Variants in CCDC85A observed in about 807,000 individuals in gnomAD.
CCDC85A encodes coiled-coil domain containing 85A.
In CCDC85A, 38 loss-of-function variants were observed where a neutral mutation model predicts 50.2. The ratio of observed to expected loss-of-function variants is 0.76; its 90% CI spans 0.58 to 0.99. The LOEUF (loss-of-function observed/expected upper bound fraction) is 0.99. Among genes scored for constraint, CCDC85A ranks in the 50% least tolerant of loss-of-function variants. The pLI, the probability that CCDC85A is intolerant of heterozygous loss-of-function variation, is 0.00. For synonymous variants in CCDC85A, 366 were observed against 301.4 expected (o/e 1.21, Z -2.22); for missense variants, 820 against 742.0 (o/e 1.11, Z -1.22).
chr2:56,235,740 A>T (rs777161182), intron 2 of CCDC85A, among the ~76,000 whole-genome samples: 1 of 152,212 alleles, frequency 6.6e-6, no homozygotes, highest in Non-Finnish European at 1.5e-5. Context: ...GATCTTAAAT[A>T]ATTAAGAGAG....
intron 2 of CCDC85A, among the ~76,000 whole-genome samples, chr2:56,272,656 C>G (rs1002788277): frequency 4.6e-5 from 7 of 152,162 alleles, no homozygotes; most frequent in Non-Finnish European, 7.3e-5. Context: ...TAAATCTACA[C>G]AGAAGGTTCA....
chr2:56,257,978 T>C (rs1558609845), intron 2 of CCDC85A, among the ~76,000 whole-genome samples: 1 of 152,240 alleles, frequency 6.6e-6, no homozygotes, highest in African/African-American at 2.4e-5. Flanking sequence ...GGCTGTTCTT[T>C]AATCAGCTAT....
intron 3 of CCDC85A, among the ~76,000 whole-genome samples, chr2:56,368,482 C>T (rs1558662287): frequency 6.6e-6 from 1 of 152,150 alleles, no homozygotes; most frequent in Non-Finnish European, 1.5e-5. Context: ...CTGCCTTGCC[C>T]TGTAATAAGG....
intron 2 of CCDC85A, among the ~76,000 whole-genome samples, chr2:56,225,256 C>G (rs1257881036): frequency 6.6e-6 from 1 of 152,040 alleles, no homozygotes; most frequent in Non-Finnish European, 1.5e-5. Context: ...AACCCCATCT[C>G]TACTAAAATT....
intron 2 of CCDC85A, among the ~76,000 whole-genome samples, chr2:56,243,081 G>T (rs1669339172): frequency 6.6e-6 from 1 of 151,466 alleles, no homozygotes; most frequent in Non-Finnish European, 1.5e-5. Context: ...GTGATCTTTG[G>T]GTATTTAGTT....
intron 2 of CCDC85A, among the ~76,000 whole-genome samples, chr2:56,278,417 C>G (rs1242087581): frequency 1.3e-5 from 2 of 152,072 alleles, no homozygotes; most frequent in Non-Finnish European, 2.9e-5. Flanking sequence ...CCAGAGCTTT[C>G]TGGTCACTTT....
At chr2:56,264,913 C>G (rs768179220) in intron 2 of CCDC85A, among the ~76,000 whole-genome samples, 28 of 152,292 alleles carry the variant, frequency 1.8e-4, no homozygotes, top group South Asian at 1.0e-3. Context: ...CAGGTACTTG[C>G]ATGATTCAGG....
intron 2 of CCDC85A, among the ~76,000 whole-genome samples, chr2:56,300,939 C>T (rs950265558): frequency 6.6e-6 from 1 of 152,110 alleles, no homozygotes; most frequent in Non-Finnish European, 1.5e-5. Context: ...ACACAAACTC[C>T]GAAGTTTAGT....
chr2:56,331,810 T>C (rs1673812990), intron 2 of CCDC85A, among the ~76,000 whole-genome samples: 1 of 152,226 alleles, frequency 6.6e-6, no homozygotes, highest in Admixed American at 6.5e-5. Context: ...GGAAAATGAT[T>C]CAGTATTTTC....
chr2:56,211,978 T>C (rs1677199305), intron 2 of CCDC85A, among the ~76,000 whole-genome samples: 1 of 152,030 alleles, frequency 6.6e-6, no homozygotes, highest in African/African-American at 2.4e-5. Flanking sequence ...TGCATAAAAC[T>C]CATTGTCTTT....
At chr2:56,262,972 A>G (rs540232010) in intron 2 of CCDC85A, among the ~76,000 whole-genome samples, 2 of 150,688 alleles carry the variant, frequency 1.3e-5, no homozygotes, top group East Asian at 3.9e-4. Context: ...CACAGAGAAC[A>G]TTTTTTTTTT....
rs568182549 is a variant in CCDC85A at position 56,363,388 on chromosome 2, A to G, written c.1318-8956A>G. ...AGCATAAGATCATTGCTAACGCTCC[A>G]TGATAGATCTTTCAGCAGGTGGCAT... On this transcript the variant is annotated intron_variant, in intron 3 of 5. Coordinates refer to ENST00000407595, the MANE Select transcript of CCDC85A (RefSeq NM_001080433.2). Among the ~76,000 whole-genome samples the G allele has an allele frequency of 3.3e-5, 5 of 152,336 alleles. No individual in the cohort carries two copies. The East Asian group carries it at 5.8e-4, about 18-fold the overall frequency.
At position 56,380,783 on chromosome 2, in the gene CCDC85A, T is replaced by C. The variant is rs147139257; in HGVS notation, c.1573-3483T>C. 3.9e-3 allele frequency among the ~76,000 whole-genome samples: 601 copies of C among 152,246 alleles called. 3 individuals carry two copies. The highest frequency in any genetic ancestry group is 5.3e-3 in the Non-Finnish European group (360 of 68,004). On this transcript the variant is annotated intron_variant, in intron 5 of 5. Transcript: ENST00000407595. ...TGTATCATTTAGTCAATAATATAAATTGTGAGGCTTTAAATAGCTAAATGG... is the reference window on the plus strand; with the variant it reads ...TGTATCATTTAGTCAATAATATAAACTGTGAGGCTTTAAATAGCTAAATGG...
Position 56,252,023 on chromosome 2 carries a change from C to T in CCDC85A, c.1240+58583C>T, listed in dbSNP as rs1252986668. On this transcript the variant is annotated intron_variant, in intron 2 of 5. Coordinates refer to ENST00000407595, the MANE Select transcript of CCDC85A (RefSeq NM_001080433.2). ...TATGTCTCTGTGGGCTTCATCCCCT[C>T]ATAGTTTCCCTGGCTGTATCATCAA... 3.3e-5 allele frequency among the ~76,000 whole-genome samples: 5 copies of T among 151,378 alleles called. 1 individual carries two copies. The highest frequency in any genetic ancestry group is 3.3e-4 in the Admixed American group (5 of 15,180).
intron 2 of CCDC85A, among the ~76,000 whole-genome samples, chr2:56,195,037 C>G (rs1676471106): frequency 6.6e-6 from 1 of 152,162 alleles, no homozygotes; most frequent in African/African-American, 2.4e-5. Flanking sequence ...AATGATTTTT[C>G]CATTTCTTGA....
chr2:56,249,467 C>T (rs1669655185), intron 2 of CCDC85A, among the ~76,000 whole-genome samples: 1 of 152,222 alleles, frequency 6.6e-6, no homozygotes, highest in African/African-American at 2.4e-5. Flanking sequence ...CACATGAAAA[C>T]AATCCCATAC....
At chr2:56,278,772 C>T (rs907164215) in intron 2 of CCDC85A, among the ~76,000 whole-genome samples, 2 of 152,116 alleles carry the variant, frequency 1.3e-5, no homozygotes, top group African/African-American at 2.4e-5. Context: ...CAGGTTTCAC[C>T]ATGTTGGCCA....
intron 1 of CCDC85A, among the ~76,000 whole-genome samples, chr2:56,189,377 C>G (rs1478345594): frequency 6.9e-6 from 1 of 145,866 alleles, no homozygotes; most frequent in Non-Finnish European, 1.5e-5. Flanking sequence ...CTGCAGCCTC[C>G]TCCTCCCTGG....
At chr2:56,191,035 C>T (rs1230804643) in intron 1 of CCDC85A, among the ~76,000 whole-genome samples, 1 of 152,186 alleles carries the variant, frequency 6.6e-6, no homozygotes, top group South Asian at 2.1e-4. Context: ...GTTCTTTAGA[C>T]ATGCTCACCT....
Sources: gnomAD v4.1 joint callset for allele counts (sites outside exome capture counted in the v4.1 genomes callset) on GRCh38, gnomAD v4.1.1 for gene constraint, MANE v1.5 for transcripts, NCBI Gene and HGNC (gene_info 2026-07-23, HGNC 2026-07-21) for gene names.